KIAA1671: variants seen among roughly 807,000 people sequenced by gnomAD.
KIAA1671 encodes KIAA1671.
Under a neutral mutation model 131.2 loss-of-function variants are expected in KIAA1671, and 52 were observed. The observed-to-expected ratio is 0.40, with a 90% confidence interval of 0.32 to 0.50. The LOEUF is 0.50. Among genes scored for constraint, KIAA1671 ranks in the 20% least tolerant of loss-of-function variants. The pLI is 0.73. For missense variants in KIAA1671, 2,360 were observed against 2,364.2 expected (o/e 1.00, Z 0.04); for synonymous variants, 1,003 against 961.6 (o/e 1.04, Z -0.80).
chr22:25,157,766 C>T (rs929419710), intron 6 of KIAA1671, among the ~76,000 whole-genome samples: 1 of 152,004 alleles, frequency 6.6e-6, no homozygotes. Context: ...ATCACACAGG[C>T]CACCCCAGTT....
chr22:25,163,037 AT>A (rs1909494853), intron 6 of KIAA1671, among the ~76,000 whole-genome samples: 1 of 152,034 alleles, frequency 6.6e-6, no homozygotes, highest in African/African-American at 2.4e-5. Flanking sequence ...CCTTAAAAAA[AT>A]TTTTTTTGGC....
intron 6 of KIAA1671, among the ~76,000 whole-genome samples, chr22:25,162,165 ATTGT>A (rs1265310536): frequency 6.6e-5 from 10 of 152,244 alleles, no homozygotes; most frequent in African/African-American, 2.4e-4. Flanking sequence ...TGATTGGCAC[ATTGT>A]CAGCGCTCAG....
intron 1 of KIAA1671, among the ~76,000 whole-genome samples, chr22:24,963,313 A>G (rs532607903): frequency 1.3e-5 from 2 of 149,244 alleles, no homozygotes; most frequent in Non-Finnish European, 3.0e-5. Context: ...GCAGTGAGCC[A>G]AGATCACGCC....
intron 7 of KIAA1671, 130 bp downstream of exon 7, chr22:25,171,068 CT>C: frequency 1.4e-6 from 1 of 732,382 alleles, no homozygotes; most frequent in Non-Finnish European, 2.3e-6. Flanking sequence ...ACCCATTCTT[CT>C]TTTAAAAAGG....
intron 11 of KIAA1671, 189 bp downstream of exon 11, chr22:25,185,308 G>A (rs2146043024): frequency 1.5e-6 from 1 of 661,682 alleles, no homozygotes; most frequent in Non-Finnish European, 2.4e-6. Context: ...AGAGGCCGGG[G>A]AAGGAGGCCA....
intron 6 of KIAA1671, among the ~76,000 whole-genome samples, chr22:25,093,974 C>T (rs374820988): frequency 1.4e-3 from 213 of 151,684 alleles, no homozygotes; most frequent in African/African-American, 3.7e-3. Context: ...CCCAGGACTT[C>T]TCACTTTGGG....
chr22:25,013,842 GC>G (rs1386270987), intron 1 of KIAA1671: 1 of 152,134 alleles, frequency 6.6e-6, no homozygotes, highest in Non-Finnish European at 1.5e-5. Flanking sequence ...TGATGATCCT[GC>G]CATAAAGCAG....
intron 6 of KIAA1671, chr22:25,063,278 T>G (rs149830415): frequency 1.3e-5 from 2 of 152,138 alleles, no homozygotes; most frequent in African/African-American, 2.4e-5. Flanking sequence ...AGCTAAACTG[T>G]GTCTACTTGC....
intron 1 of KIAA1671, among the ~76,000 whole-genome samples, chr22:24,999,743 T>A (rs1347925379): frequency 6.7e-6 from 1 of 148,838 alleles, no homozygotes; most frequent in Non-Finnish European, 1.5e-5. Context: ...TTCAGTTTTT[T>A]GCAAAGACAG....
At chr22:25,130,728 C>T (rs1374725797) in intron 6 of KIAA1671, among the ~76,000 whole-genome samples, 1 of 152,202 alleles carries the variant, frequency 6.6e-6, no homozygotes, top group Non-Finnish European at 1.5e-5. Context: ...CCGGCACCTG[C>T]AGCACAGGTG....
In KIAA1671 at chr22:25,028,622, C is replaced by A; in HGVS notation, c.623C>A (p.Pro208His). ...PLSQDTKPPV[P>H]QEEAGQDHPP... ...TCTCAGGACACAAAACCACCTGTAC[C>A]CCAAGAGGAGGCAGGCCAAGACCAT... Residue 208 changes from proline (P) to histidine (H), a missense_variant, in exon 3 of 13, where the codon CCC becomes CAC. Physicochemically the swap from Pro to His is moderately conservative, Grantham distance 77. Around this residue, in one of 3 missense-constraint regions of KIAA1671, gnomAD observed 1,185 missense variants for 1,126.2 expected, o/e 1.05. Coordinates refer to ENST00000358431, the MANE Select transcript of KIAA1671 (RefSeq NM_001145206.2). 6.4e-7 allele frequency: 1 copy of A among 1,551,088 alleles called. No homozygotes were observed. Among genetic ancestry groups the A allele is most frequent in the Non-Finnish European group, 8.7e-7 (1 of 1,146,936 alleles).
chr22:25,016,962 G>A (rs1168324279), intron 1 of KIAA1671, among the ~76,000 whole-genome samples: 1 of 152,206 alleles, frequency 6.6e-6, no homozygotes, highest in Non-Finnish European at 1.5e-5. Flanking sequence ...CAGAGTAGCA[G>A]CTCAGAGGCA....
At chr22:24,963,606 T>C (rs1922131052) in intron 1 of KIAA1671, among the ~76,000 whole-genome samples, 1 of 152,090 alleles carries the variant, frequency 6.6e-6, no homozygotes, top group African/African-American at 2.4e-5. Context: ...GCCCTTGACC[T>C]GTGCGCTGGC....
chr22:24,958,567 C>T (rs1004751776), intron 1 of KIAA1671, among the ~76,000 whole-genome samples: 4 of 149,820 alleles, frequency 2.7e-5, no homozygotes, highest in Non-Finnish European at 4.4e-5. Context: ...AGGAGAATCC[C>T]TTGAACCCCG....
At chr22:25,021,997 A>C (rs1925697756) in intron 1 of KIAA1671, among the ~76,000 whole-genome samples, 2 of 151,898 alleles carry the variant, frequency 1.3e-5, no homozygotes, top group South Asian at 4.2e-4. Flanking sequence ...CGTGGTCTCG[A>C]TCTCCTGACC....
chr22:25,144,362 G>C (rs1026357504), intron 6 of KIAA1671, among the ~76,000 whole-genome samples: 2 of 152,126 alleles, frequency 1.3e-5, no homozygotes, highest in East Asian at 3.9e-4. Context: ...CCGGGTAACA[G>C]ACTCCAGTGG....
intron 6 of KIAA1671, among the ~76,000 whole-genome samples, chr22:25,152,397 T>C (rs1933074036): frequency 6.6e-6 from 1 of 152,040 alleles, no homozygotes; most frequent in South Asian, 2.1e-4. Context: ...ATCACTCCCA[T>C]GTCAGCTAAA....
intron 6 of KIAA1671, chr22:25,110,153 A>C (rs190718518): frequency 7.9e-5 from 12 of 152,434 alleles, no homozygotes; most frequent in African/African-American, 2.6e-4. Context: ...AGACAGGGAG[A>C]GAAAGAGAAT....
intron 5 of KIAA1671, among the ~76,000 whole-genome samples, chr22:25,043,379 A>G (rs1227687914): frequency 6.6e-6 from 1 of 152,058 alleles, no homozygotes; most frequent in African/African-American, 2.4e-5. Flanking sequence ...TCCTGTACAG[A>G]TGGGGGGAAA....
Sources: gnomAD v4.1 joint callset for allele counts (sites outside exome capture counted in the v4.1 genomes callset) on GRCh38, gnomAD v4.1.1 for gene constraint, gnomAD v4.1.1 regional missense constraint, MANE v1.5 for transcripts, NCBI Gene and HGNC (gene_info 2026-07-23, HGNC 2026-07-21) for gene names.